The following CCNJL variants were observed in gnomAD, a reference collection of about 807,000 sequenced individuals.
The protein encoded by CCNJL is cyclin J like, also known as cyclin-J-like protein.
A neutral mutation model predicts 33.4 loss-of-function variants in CCNJL; 33 were observed. That is an observed-to-expected ratio of 0.99 (90% CI 0.75 to 1.32). The LOEUF (loss-of-function observed/expected upper bound fraction) is 1.32, where lower values mean the gene tolerates loss of function less well. Among genes scored for constraint, CCNJL ranks in the 40% most tolerant of loss-of-function variants. CCNJL has a pLI of 0.00. For synonymous variants in CCNJL, 227 were observed against 220.9 expected (o/e 1.03, Z -0.24); for missense variants, 512 against 499.7 (o/e 1.02, Z -0.23).
At chr5:160,261,498 A>G (rs1186017182) in intron 3 of CCNJL, among the ~76,000 whole-genome samples, 1 of 152,216 alleles carries the variant, frequency 6.6e-6, no homozygotes, top group African/African-American at 2.4e-5. Context: ...CTTGCACACA[A>G]GAACAACTCA....
At chr5:160,330,378 TG>T (rs2113481088) in intron 1 of CCNJL, among the ~76,000 whole-genome samples, 1 of 152,296 alleles carries the variant, frequency 6.6e-6, no homozygotes, top group South Asian at 2.1e-4. Flanking sequence ...GAACCACAGA[TG>T]GAACAGACCC....
At chr5:160,314,910 G>A (rs2113467197), upstream of CCNJL, among the ~76,000 whole-genome samples, 1 of 152,262 alleles carries the variant, frequency 6.6e-6, no homozygotes, top group East Asian at 1.9e-4. Context: ...AATCCACAGT[G>A]TTGTTGGGAA....
intron 4 of CCNJL, chr5:160,258,376 G>A: frequency 1.3e-6 from 1 of 779,424 alleles, no homozygotes; most frequent in Admixed American, 1.8e-5. Flanking sequence ...ATATGAGAAT[G>A]AAGATGTGAA....
chr5:160,266,834 C>T (rs541747563), intron 3 of CCNJL, among the ~76,000 whole-genome samples: 3 of 152,310 alleles, frequency 2.0e-5, no homozygotes, highest in South Asian at 2.1e-4. Context: ...CCACAGTCAA[C>T]ACTGTGCTGG....
chr5:160,287,180 T>C (rs1326507894), intron 2 of CCNJL, among the ~76,000 whole-genome samples: 1 of 152,184 alleles, frequency 6.6e-6, no homozygotes, highest in East Asian at 1.9e-4. Context: ...CACGCTGCCG[T>C]AAATGTAGAG....
upstream of CCNJL, among the ~76,000 whole-genome samples, chr5:160,315,967 T>C (rs993782969): frequency 1.3e-5 from 2 of 152,206 alleles, no homozygotes; most frequent in Non-Finnish European, 2.9e-5. Flanking sequence ...CTATCAATTA[T>C]CAGGAGTTTG....
intron 2 of CCNJL, among the ~76,000 whole-genome samples, chr5:160,307,801 G>A (rs1311820876): frequency 6.6e-6 from 1 of 152,158 alleles, no homozygotes; most frequent in Non-Finnish European, 1.5e-5. Flanking sequence ...AGCAGGGACA[G>A]GAAGAAGGAT....
chr5:160,327,638 C>T (rs759023732), intron 1 of CCNJL, among the ~76,000 whole-genome samples: 10 of 152,138 alleles, frequency 6.6e-5, no homozygotes, highest in Non-Finnish European at 1.5e-4. Context: ...AGGATATGGC[C>T]CCCGTCCTTC....
Position 160,272,944 on chromosome 5 carries a change from A to G in CCNJL, c.280+7581T>C, listed in dbSNP as rs1042596467. On this transcript the variant is annotated intron_variant, in intron 3 of 5. Coordinates refer to ENST00000257536, the MANE Select transcript of CCNJL (RefSeq NM_001308173.3). ...TGGCAACCTGAATGTCCAAAAATAG[A>G]GAAATCATTACATAAATGACAGTGT... Among the ~76,000 whole-genome samples, 15 of 152,374 alleles carry G rather than the reference A, an allele frequency of 9.8e-5. No individual in the cohort carries two copies. The East Asian group carries it at 1.5e-3, about 16-fold the overall frequency.
intron 2 of CCNJL, among the ~76,000 whole-genome samples, chr5:160,297,654 C>CA (rs59634260): frequency 0.011 from 1,134 of 107,576 alleles, 9 homozygotes; most frequent in Middle Eastern, 0.023. Context: ...TCTCTATTTA[C>CA]AAAAAAAAAA....
chr5:160,266,062 G>C (rs951378980), intron 3 of CCNJL, among the ~76,000 whole-genome samples: 7 of 152,202 alleles, frequency 4.6e-5, no homozygotes, highest in African/African-American at 1.4e-4. Context: ...TGCAGGTGCT[G>C]ATGATAAAGG....
chr5:160,322,346 G>A (rs1763481020), intron 1 of CCNJL, among the ~76,000 whole-genome samples: 1 of 152,122 alleles, frequency 6.6e-6, no homozygotes, highest in African/African-American at 2.4e-5. Flanking sequence ...TTCAATGTTG[G>A]CTTTGATTTT....
rs755050977 is a variant in CCNJL, at chr5:160,280,686, C to T, written c.119G>A (p.Arg40Gln). Residue 40 changes from arginine to glutamine, a missense_variant, in exon 3 of 6, where the codon CGG becomes CAG. Arg to Gln is a conservative substitution (Grantham distance 43, BLOSUM62 1). Transcript: ENST00000257536. ...CAGGGTCAGGATGTCCACGAAGAAC[C>T]GGCGGCTCTTCAGGAGTGGGGAGTG... ...RAHSPLLKSR[R>Q]FFVDILTLLS... is the part of the protein sequence containing the mutation. The T allele has an allele frequency of 6.8e-6, 11 of 1,613,152 alleles. No homozygotes were observed. Among genetic ancestry groups the T allele is most frequent in the Middle Eastern group, 1.7e-4 (1 of 6,056 alleles).
chr5:160,328,233 T>C (rs535700061), intron 1 of CCNJL, among the ~76,000 whole-genome samples: 2 of 152,332 alleles, frequency 1.3e-5, no homozygotes, highest in East Asian at 3.9e-4. Context: ...ATGCCATGGA[T>C]GAGAAGTCAT....
At position 160,311,924 on chromosome 5, in the gene CCNJL, C is replaced by A. The variant is rs1331857570; in HGVS notation, c.-1G>T. On this transcript the variant is annotated 5_prime_UTR_variant, in exon 2 of 6. Transcript: ENST00000257536. ...CTTCCCACCACGGCTCATCCATCAT[C>A]GCGTACGCAGCGCCGCTATCCGAGG... 6.2e-7 allele frequency: 1 copy of A among 1,613,938 alleles called. No homozygotes were observed. The highest frequency in any genetic ancestry group is 1.3e-5 in the African/African-American group (1 of 74,916).
At position 160,249,287 on chromosome 5, in the gene CCNJL, T is replaced by C. The variant is rs892201942; in HGVS notation, c.*4091A>G. 1.3e-5 allele frequency: 2 copies of C among 152,118 alleles called. No individual in the cohort carries two copies. The highest frequency in any genetic ancestry group is 4.8e-5 in the African/African-American group (2 of 41,418). The allele number at this position is 152,118 out of a possible 1,614,324, so 9.4% of individuals were successfully genotyped here. On this transcript the variant is annotated 3_prime_UTR_variant, in exon 6 of 6. Transcript: ENST00000257536. ...ATGTAACCCAAATGTCAAATATAAATTGGGTTAGGTGGGAAAAATAATTTT... is the reference window on the plus strand; with the variant it reads ...ATGTAACCCAAATGTCAAATATAAACTGGGTTAGGTGGGAAAAATAATTTT...
intron 2 of CCNJL, among the ~76,000 whole-genome samples, chr5:160,289,387 C>T (rs1386771237): frequency 6.6e-6 from 1 of 152,076 alleles, no homozygotes; most frequent in African/African-American, 2.4e-5. Flanking sequence ...AGGAATCTTC[C>T]CTCTGCCTGT....
intron 2 of CCNJL, among the ~76,000 whole-genome samples, chr5:160,297,958 G>A (rs1762801255): frequency 6.6e-6 from 1 of 152,088 alleles, no homozygotes; most frequent in Non-Finnish European, 1.5e-5. Context: ...GGCTGCCCAG[G>A]GTGTCAGCTC....
At chr5:160,268,499 C>T (rs1192301757) in intron 3 of CCNJL, among the ~76,000 whole-genome samples, 1 of 152,198 alleles carries the variant, frequency 6.6e-6, no homozygotes, top group Non-Finnish European at 1.5e-5. Flanking sequence ...TCAGAGCCAG[C>T]CCTGTAATGA....
Sources: allele counts gnomAD v4.1 joint callset (sites outside exome capture counted in the v4.1 genomes callset), GRCh38; gene constraint gnomAD v4.1.1; transcripts MANE v1.5; gene names NCBI Gene and HGNC (gene_info 2026-07-23, HGNC 2026-07-21).